The following DAGLB variants were observed in gnomAD, a reference collection of about 807,000 sequenced individuals.
DAGLB encodes diacylglycerol lipase beta, also known as diacylglycerol lipase-beta.
DAGLB carries 66 observed loss-of-function variants against 72.1 expected under a neutral mutation model. That is an observed-to-expected ratio of 0.92 (90% CI 0.75 to 1.12). DAGLB has a LOEUF of 1.12. DAGLB is among the 50% of genes most tolerant of loss of function. The pLI, the probability that DAGLB is intolerant of heterozygous loss-of-function variation, is 0.00. For synonymous variants in DAGLB, 414 were observed against 359.5 expected (o/e 1.15, Z -1.71); for missense variants, 1,065 against 884.9 (o/e 1.20, Z -2.58).
intron 7 of DAGLB, 64 bp from the exon 8 acceptor site, chr7:6,424,899 G>A (rs973462605): frequency 7.8e-6 from 12 of 1,545,182 alleles, no homozygotes; most frequent in East Asian, 2.3e-5. Context: ...ACGCAAAGTC[G>A]GAGCCCTGCA....
chr7:6,430,449 G>T, intron 6 of DAGLB, 31 bp downstream of exon 6: 2 of 1,435,160 alleles, frequency 1.4e-6, no homozygotes, highest in South Asian at 1.6e-5. Context: ...AGGGAAATAT[G>T]GCTATGGAGG....
At chr7:6,416,980 G>T in intron 9 of DAGLB, 59 bp from the exon 10 acceptor site, 1 of 1,582,894 alleles carries the variant, frequency 6.3e-7, no homozygotes, top group South Asian at 1.1e-5. Context: ...GCCCAGCAGA[G>T]ACTCAAAGAT....
Position 6,409,256 on chromosome 7 carries a change from T to C in DAGLB, c.*581A>G, listed in dbSNP as rs1041833567. The C allele has an allele frequency of 6.4e-6, 1 of 156,082 alleles. No individual in the cohort carries two copies. The highest frequency in any genetic ancestry group is 2.4e-5 in the African/African-American group (1 of 41,446). 9.7% of individuals were successfully genotyped at this position (156,082 alleles called of 1,614,324 possible). A position where few individuals can be genotyped will look rare whatever the true frequency, so the allele number is the denominator to read the frequency against. On this transcript the variant is annotated 3_prime_UTR_variant, in exon 15 of 15. Coordinates refer to ENST00000297056, the MANE Select transcript of DAGLB (RefSeq NM_139179.4). Reference sequence around the variant, plus strand: ...ACAACTGGGCAGTGGGAATAGGCAGTTGGGGGGCTGTGGCTCGGCGGGGCC... The same window carrying C: ...ACAACTGGGCAGTGGGAATAGGCAGCTGGGGGGCTGTGGCTCGGCGGGGCC...
chr7:6,439,967 G>C (rs967251558), intron 2 of DAGLB, among the ~76,000 whole-genome samples: 1 of 147,806 alleles, frequency 6.8e-6, no homozygotes, highest in Admixed American at 6.8e-5. Flanking sequence ...CAGGAGAATC[G>C]GTCGAACCCA....
At chr7:6,442,936 G>C (rs539104171) in intron 2 of DAGLB, among the ~76,000 whole-genome samples, 2 of 151,890 alleles carry the variant, frequency 1.3e-5, no homozygotes, top group South Asian at 2.1e-4. Flanking sequence ...CACTTTGGGA[G>C]GCTGAGGCGG....
intron 2 of DAGLB, among the ~76,000 whole-genome samples, chr7:6,445,115 A>T (rs1357348189): frequency 1.3e-5 from 2 of 152,234 alleles, no homozygotes; most frequent in Non-Finnish European, 2.9e-5. Context: ...ATGATCCAGC[A>T]ATTCACTCCT....
chr7:6,409,829 G>A lies in DAGLB; in HGVS notation c.*8C>T, dbSNP rs777519827. ...CATCGTTCCTGGGACAGTTTCCAGTGGCCCTGGTCAGGCCACGTCCACACT... is the reference window on the plus strand; with the variant it reads ...CATCGTTCCTGGGACAGTTTCCAGTAGCCCTGGTCAGGCCACGTCCACACT... On this transcript the variant is annotated 3_prime_UTR_variant, in exon 15 of 15. Coordinates refer to ENST00000297056, the MANE Select transcript of DAGLB (RefSeq NM_139179.4). The A allele has an allele frequency of 1.2e-6, 2 of 1,612,446 alleles. No homozygotes were observed. The highest frequency in any genetic ancestry group is 1.7e-5 in the Admixed American group (1 of 59,802).
chr7:6,413,983 C>T (rs1043691123), intron 11 of DAGLB, among the ~76,000 whole-genome samples: 8 of 152,216 alleles, frequency 5.3e-5, no homozygotes, highest in Non-Finnish European at 7.3e-5. Context: ...CAGTCAAAAC[C>T]ACCACATTCT....
chr7:6,420,019 C>A (rs962544574), intron 9 of DAGLB, among the ~76,000 whole-genome samples: 1 of 152,282 alleles, frequency 6.6e-6, no homozygotes, highest in Non-Finnish European at 1.5e-5. Flanking sequence ...TGGTGGCACA[C>A]GCCTGTAATC....
chr7:6,429,426 G>A (rs1180478430), intron 6 of DAGLB, among the ~76,000 whole-genome samples: 1 of 151,652 alleles, frequency 6.6e-6, no homozygotes, highest in Non-Finnish European at 1.5e-5. Context: ...GCAACTAGAT[G>A]TAACGCATCA....
At position 6,430,511 on chromosome 7, in the gene DAGLB, G is replaced by A. The variant is rs1399167923; in HGVS notation, c.898C>T (p.Leu300Phe). 1.3e-6 allele frequency: 2 copies of A among 1,598,578 alleles called. No individual in the cohort carries two copies. The highest frequency in any genetic ancestry group is 1.7e-5 in the Admixed American group (1 of 59,198). Reference protein sequence around the residue: ...GWPLYIYRNPLTGLCRIGGDC... With the variant: ...GWPLYIYRNPFTGLCRIGGDC... ...CCACCAATCCTGCACAGCCCCGTGAGGGGGTTTCTGTAGATGTAGAGGGGC... is the reference window on the plus strand; with the variant it reads ...CCACCAATCCTGCACAGCCCCGTGAAGGGGTTTCTGTAGATGTAGAGGGGC... The change falls in exon 6 of 15, where the codon CTC becomes TTC. Residue 300 changes from leucine (L) to phenylalanine (F), a missense_variant. Physicochemically the swap from Leu to Phe is conservative, Grantham distance 22 (BLOSUM62 0). Coordinates refer to ENST00000297056, the MANE Select transcript of DAGLB (RefSeq NM_139179.4).
At chr7:6,433,926 C>T (rs1784571389) in intron 4 of DAGLB, among the ~76,000 whole-genome samples, 1 of 151,898 alleles carries the variant, frequency 6.6e-6, no homozygotes, top group South Asian at 2.1e-4. Flanking sequence ...ATGTAGATTA[C>T]GACATCCTCT....
intron 11 of DAGLB, among the ~76,000 whole-genome samples, chr7:6,415,504 T>A (rs1783877911): frequency 6.6e-6 from 1 of 151,198 alleles, no homozygotes; most frequent in South Asian, 2.1e-4. Flanking sequence ...TGGCAAAAGG[T>A]TACACAGAAC....
At chr7:6,435,241 A>C (rs2115281801) in intron 3 of DAGLB, among the ~76,000 whole-genome samples, 1 of 152,262 alleles carries the variant, frequency 6.6e-6, no homozygotes, top group South Asian at 2.1e-4. Context: ...TAATCCCAGC[A>C]CTTTGGGAGG....
In DAGLB at chr7:6,424,747, G is replaced by A. The variant is rs777622493; in HGVS notation, c.1140+5C>T. The A allele has an allele frequency of 1.1e-5, 18 of 1,613,286 alleles. No homozygotes were observed. Among genetic ancestry groups the A allele is most frequent in the East Asian group, 2.2e-5 (1 of 44,858 alleles). ...CAGGGCTGGAAAGTCAGGTTCCAAC[G>A]TTACCTGCAGAGACATGGTCCCCCT... is the stretch of plus-strand genomic sequence containing the variant. On this transcript the variant is annotated splice_donor_5th_base_variant and intron_variant, in intron 8 of 14. Transcript: ENST00000297056.
At chr7:6,419,070 G>A (rs980678385) in intron 9 of DAGLB, among the ~76,000 whole-genome samples, 2 of 147,788 alleles carry the variant, frequency 1.4e-5, no homozygotes, top group African/African-American at 5.0e-5. Flanking sequence ...TGTGCATTCA[G>A]ATGGCACTTC....
chr7:6,422,360 C>T (rs1044612168), intron 8 of DAGLB: 7 of 237,456 alleles, frequency 2.9e-5, no homozygotes, highest in East Asian at 1.1e-4. Context: ...CAGCAGGACC[C>T]GCTGGCTGGG....
In DAGLB at chr7:6,416,740, G is replaced by C. The variant is rs928496888; in HGVS notation, c.1314C>G (p.Val438=). 2 of 1,613,668 alleles carry C rather than the reference G, an allele frequency of 1.2e-6. No individual in the cohort carries two copies. The highest frequency in any genetic ancestry group is 1.7e-6 in the Non-Finnish European group (2 of 1,179,870). Residue 438 remains valine (V), a synonymous_variant, in exon 11 of 15, where the codon GTC becomes GTG. Transcript: ENST00000297056. The part of the protein sequence containing the change: ...AFSIAPEYRL[V]IVGHSLGGGA... ...CGCCCCCGAGGCTGTGGCCCACTAT[G>C]ACCAGCCGGTACTCCTAGAGGACAG...
intron 2 of DAGLB, 100 bp downstream of exon 2, chr7:6,445,853 T>C (rs907472118): frequency 2.1e-5 from 27 of 1,312,870 alleles, no homozygotes; most frequent in Non-Finnish European, 2.7e-5. Context: ...TAAAAACTGT[T>C]GAATTGGAAA....
Sources: gnomAD v4.1 joint callset for allele counts (sites outside exome capture counted in the v4.1 genomes callset) on GRCh38, gnomAD v4.1.1 for gene constraint, MANE v1.5 for transcripts, NCBI Gene and HGNC (gene_info 2026-07-23, HGNC 2026-07-21) for gene names.